The following GPC6 variants were observed in gnomAD, a reference collection of about 807,000 sequenced individuals.
GPC6 encodes glypican 6.
GPC6 carries 14 observed loss-of-function variants against 55.2 expected under a neutral mutation model. The observed-to-expected ratio is 0.25, with a 90% CI of 0.17 to 0.40. GPC6 has a LOEUF of 0.40. Ranked by LOEUF, GPC6 falls within the 10% of genes least tolerant of loss-of-function variation. The pLI, the probability that GPC6 is intolerant of heterozygous loss-of-function variation, is 1.00. For synonymous variants in GPC6, 278 were observed against 259.6 expected (o/e 1.07, Z -0.68); for missense variants, 641 against 708.5 (o/e 0.90, Z 1.08).
At chr13:93,649,747 G>C (rs1880329907) in intron 2 of GPC6, among the ~76,000 whole-genome samples, 2 of 152,138 alleles carry the variant, frequency 1.3e-5, no homozygotes, top group East Asian at 3.9e-4. Context: ...TCAGCAGTCT[G>C]CTTCAGTTAA....
intron 3 of GPC6, among the ~76,000 whole-genome samples, chr13:93,890,465 A>T (rs189993594): frequency 3.9e-5 from 6 of 152,046 alleles, no homozygotes; most frequent in Admixed American, 2.6e-4. Context: ...TTATGGATTC[A>T]GTTTTGAGTC....
At chr13:93,219,207 C>T in the GPC6 span, among the ~76,000 whole-genome samples, 10,261 of 151,944 alleles carry the variant, frequency 0.068, 391 homozygotes, top group South Asian at 0.11. Flanking sequence ...AATTCTCCTG[C>T]CTTAGCCTCC....
intron 2 of GPC6, among the ~76,000 whole-genome samples, chr13:93,693,079 A>C (rs1882315140): frequency 6.6e-6 from 1 of 152,122 alleles, no homozygotes; most frequent in Non-Finnish European, 1.5e-5. Context: ...GAGGAGAGGA[A>C]ATTTCTGGCC....
chr13:93,459,194 G>A (rs1049789101), intron 1 of GPC6, among the ~76,000 whole-genome samples: 6 of 152,144 alleles, frequency 3.9e-5, no homozygotes, highest in African/African-American at 1.4e-4. Flanking sequence ...CAGTAGCTGG[G>A]ACTACAGGCA....
intron 4 of GPC6, among the ~76,000 whole-genome samples, chr13:94,082,132 C>T (rs992942959): frequency 7.2e-5 from 11 of 152,154 alleles, no homozygotes; most frequent in Admixed American, 1.3e-4. Flanking sequence ...TGAGCCACTG[C>T]GCCCGGTCTA....
intron 1 of GPC6, among the ~76,000 whole-genome samples, chr13:93,374,545 C>T (rs149453820): frequency 1.4e-4 from 22 of 152,256 alleles, no homozygotes; most frequent in East Asian, 5.8e-4. Context: ...GAAGGGCAGA[C>T]GGGAGAGAAG....
At chr13:93,567,827 G>A (rs545659842) in intron 2 of GPC6, among the ~76,000 whole-genome samples, 1 of 152,146 alleles carries the variant, frequency 6.6e-6, no homozygotes, top group African/African-American at 2.4e-5. Flanking sequence ...CAGAAATTAG[G>A]CTTTTTAGAC....
At chr13:93,873,542 A>G (rs1889195157) in intron 3 of GPC6, among the ~76,000 whole-genome samples, 1 of 151,888 alleles carries the variant, frequency 6.6e-6, no homozygotes, top group Non-Finnish European at 1.5e-5. Flanking sequence ...TCATTTGGGT[A>G]GAGGCCACAG....
intron 2 of GPC6, among the ~76,000 whole-genome samples, chr13:93,661,526 A>G (rs145252282): frequency 2.0e-5 from 3 of 151,882 alleles, no homozygotes; most frequent in Non-Finnish European, 1.5e-5. Flanking sequence ...CTTTTTATCA[A>G]CTCTCTTTGA....
At chr13:93,947,126 T>C (rs1594611140) in intron 3 of GPC6, among the ~76,000 whole-genome samples, 1 of 152,308 alleles carries the variant, frequency 6.6e-6, no homozygotes, top group African/African-American at 2.4e-5. Flanking sequence ...AGGTATGCTT[T>C]GATTGCAAAA....
At chr13:93,315,592 A>T (rs1048445860) in intron 1 of GPC6, among the ~76,000 whole-genome samples, 5 of 152,082 alleles carry the variant, frequency 3.3e-5, no homozygotes, top group Non-Finnish European at 5.9e-5. Context: ...AATTTAAGTC[A>T]ACCACTAAAT....
chr13:93,287,024 G>A (rs747789839), intron 1 of GPC6, among the ~76,000 whole-genome samples: 7 of 152,064 alleles, frequency 4.6e-5, no homozygotes, highest in Non-Finnish European at 8.8e-5. Flanking sequence ...AAAAAATAGT[G>A]TATAAAATTA....
intron 4 of GPC6, among the ~76,000 whole-genome samples, chr13:94,060,069 A>C (rs2138766408): frequency 6.6e-6 from 1 of 152,224 alleles, no homozygotes; most frequent in East Asian, 1.9e-4. Flanking sequence ...TATACAGAAA[A>C]AACAATTTCA....
At chr13:93,416,173 T>C (rs1035086521) in intron 1 of GPC6, among the ~76,000 whole-genome samples, 2 of 152,104 alleles carry the variant, frequency 1.3e-5, no homozygotes, top group African/African-American at 4.8e-5. Flanking sequence ...AATCACTGGG[T>C]ACTGTCTCCT....
At chr13:94,135,392 T>C (rs1296391959) in intron 4 of GPC6, among the ~76,000 whole-genome samples, 1 of 152,230 alleles carries the variant, frequency 6.6e-6, no homozygotes, top group Non-Finnish European at 1.5e-5. Flanking sequence ...GTCCAGGGCC[T>C]TTTGGCTAAA....
intron 3 of GPC6, among the ~76,000 whole-genome samples, chr13:93,870,681 C>T (rs1889103858): frequency 6.6e-6 from 1 of 151,636 alleles, no homozygotes; most frequent in East Asian, 2.0e-4. Flanking sequence ...TGATTGGTAT[C>T]TTTATAAGAA....
At chr13:93,732,983 C>G (rs1233839501) in intron 2 of GPC6, among the ~76,000 whole-genome samples, 3 of 151,976 alleles carry the variant, frequency 2.0e-5, no homozygotes, top group Non-Finnish European at 4.4e-5. Flanking sequence ...CAAGACATCT[C>G]AATTTTGGCC....
At chr13:93,643,447 C>A (rs954016594) in intron 2 of GPC6, among the ~76,000 whole-genome samples, 5 of 152,014 alleles carry the variant, frequency 3.3e-5, no homozygotes, top group Admixed American at 3.3e-4. Flanking sequence ...CAGGAAATGA[C>A]CCAAAGAAGT....
intron 3 of GPC6, among the ~76,000 whole-genome samples, chr13:93,838,151 A>G (rs376546251): frequency 2.0e-5 from 3 of 152,238 alleles, no homozygotes; most frequent in South Asian, 2.1e-4. Flanking sequence ...GCACTTCTCT[A>G]TAAGAAACAG....
Sources: allele counts gnomAD v4.1 joint callset (sites outside exome capture counted in the v4.1 genomes callset), GRCh38; gene constraint gnomAD v4.1.1; transcripts MANE v1.5; gene names NCBI Gene and HGNC (gene_info 2026-07-23, HGNC 2026-07-21).